The following NRP1 variants were observed in gnomAD, a reference collection of about 807,000 sequenced individuals.
The protein encoded by NRP1 is neuropilin-1.
Under a neutral mutation model 106.7 loss-of-function variants are expected in NRP1, and 35 were observed. The ratio of observed to expected loss-of-function variants is 0.33; its 90% CI spans 0.25 to 0.43. The LOEUF is 0.43. NRP1 is among the 20% of genes least tolerant of loss of function. The pLI is 1.00. For synonymous variants in NRP1, 437 were observed against 417.9 expected (o/e 1.05, Z -0.56); for missense variants, 1,024 against 1,170.4 (o/e 0.87, Z 1.83).
At chr10:33,264,012 G>T (rs962713541) in intron 3 of NRP1, 139 bp from the exon 4 acceptor site, 1 of 614,732 alleles carries the variant, frequency 1.6e-6, no homozygotes, top group Non-Finnish European at 2.9e-6. Flanking sequence ...GTATTAGTCA[G>T]CCTTTTCATA....
intron 2 of NRP1, among the ~76,000 whole-genome samples, chr10:33,317,569 G>A (rs1175562472): frequency 6.6e-6 from 1 of 152,190 alleles, no homozygotes; most frequent in Non-Finnish European, 1.5e-5. Context: ...TGAATGGATT[G>A]TCAAGGACTG....
At chr10:33,199,792 G>T (rs565107219) in intron 11 of NRP1, among the ~76,000 whole-genome samples, 1 of 152,238 alleles carries the variant, frequency 6.6e-6, no homozygotes, top group South Asian at 2.1e-4. Flanking sequence ...TGCCATAATT[G>T]TGCACTTCCC....
chr10:33,244,719 T>C (rs1841289770), intron 6 of NRP1, among the ~76,000 whole-genome samples: 1 of 152,136 alleles, frequency 6.6e-6, no homozygotes, highest in Non-Finnish European at 1.5e-5. Context: ...AATTCTTTAC[T>C]CTTGATTATA....
At position 33,221,710 on chromosome 10, in the gene NRP1, A is replaced by G. The variant is rs532741564; in HGVS notation, c.1282+9T>C. 9 of 1,610,714 alleles carry G rather than the reference A, an allele frequency of 5.6e-6. No individual in the cohort carries two copies. Among genetic ancestry groups the G allele is most frequent in the Middle Eastern group, 3.3e-4 (2 of 6,056 alleles). On this transcript the variant is annotated intron_variant, in intron 8 of 16. Transcript: ENST00000374867. ...TGGAAGATTCAGTCTTCAATCTTCC[A>G]CAGCTTACCTGTTATCTTGCAACCG...
chr10:33,300,543 A>G (rs977049010), intron 2 of NRP1, among the ~76,000 whole-genome samples: 1 of 152,114 alleles, frequency 6.6e-6, no homozygotes, highest in Non-Finnish European at 1.5e-5. Context: ...TCAACCCCCA[A>G]TGCTGGTGGG....
chr10:33,217,315 A>G (rs1429036982), intron 8 of NRP1, among the ~76,000 whole-genome samples: 2 of 152,028 alleles, frequency 1.3e-5, no homozygotes, highest in African/African-American at 4.8e-5. Flanking sequence ...CCCTGTCCCC[A>G]TTTAGCCAAC....
At chr10:33,309,234 C>T (rs752403808) in intron 2 of NRP1, among the ~76,000 whole-genome samples, 7 of 152,150 alleles carry the variant, frequency 4.6e-5, no homozygotes, top group Admixed American at 1.3e-4. Flanking sequence ...CTACAGATGG[C>T]CACTACTAAT....
rs749459323 is a variant in NRP1, at chr10:33,226,239, G to A, written c.1032C>T (p.Ala344=). Residue 344 remains alanine (A), a synonymous_variant, in exon 7 of 17, where the codon GCC becomes GCT. Transcript: ENST00000374867. The part of the protein sequence containing the change: ...RFVTAVGTQG[A]ISKETKKKYY... ...ATTTCTTCTTGGTTTCTTTTGAAATGGCGCCCTGTGTCCCGACAGCCGTGA... is the reference window on the plus strand; with the variant it reads ...ATTTCTTCTTGGTTTCTTTTGAAATAGCGCCCTGTGTCCCGACAGCCGTGA... The A allele has an allele frequency of 6.2e-7, 1 of 1,614,068 alleles. No homozygotes were observed. The highest frequency in any genetic ancestry group is 1.1e-5 in the South Asian group (1 of 91,076).
At chr10:33,217,296 T>C (rs924616139) in intron 8 of NRP1, among the ~76,000 whole-genome samples, 2 of 152,070 alleles carry the variant, frequency 1.3e-5, no homozygotes, top group Admixed American at 6.6e-5. Context: ...ATTCATAGAC[T>C]TAGTGATGCC....
chr10:33,212,705 C>T (rs528144440), intron 9 of NRP1: 2 of 152,636 alleles, frequency 1.3e-5, no homozygotes, highest in African/African-American at 4.8e-5. Context: ...GAATCTCACT[C>T]TGTCACCCAG....
chr10:33,237,569 C>CCTT (rs1840670032), intron 6 of NRP1, among the ~76,000 whole-genome samples: 1 of 137,976 alleles, frequency 7.2e-6, no homozygotes. Flanking sequence ...TGAATATTTT[C>CCTT]CTTCTTCTTT....
At chr10:33,223,964 A>G (rs1839456519) in intron 7 of NRP1, among the ~76,000 whole-genome samples, 1 of 152,074 alleles carries the variant, frequency 6.6e-6, no homozygotes, top group South Asian at 2.1e-4. Context: ...GCTGAAAATC[A>G]TGTTTTATAC....
intron 3 of NRP1, among the ~76,000 whole-genome samples, chr10:33,268,725 G>A (rs1006212638): frequency 2.6e-5 from 4 of 152,170 alleles, no homozygotes; most frequent in African/African-American, 4.8e-5. Context: ...GCAAGCAGGT[G>A]TACATATGTG....
At chr10:33,236,364 T>A (rs1840556980) in intron 6 of NRP1, among the ~76,000 whole-genome samples, 1 of 152,240 alleles carries the variant, frequency 6.6e-6, no homozygotes, top group African/African-American at 2.4e-5. Flanking sequence ...TCTTGCTAGA[T>A]GGGTTTACTT....
In NRP1 at chr10:33,328,486, G is replaced by A. The variant is rs149509402; in HGVS notation, c.248+2222C>T. ...ACACCAACTCAACAGGTTGTTGAGC[G>A]CTTTCTACAGGTAGGAAGATTTTTA... On this transcript the variant is annotated intron_variant, in intron 2 of 16. Coordinates refer to ENST00000374867, the MANE Select transcript of NRP1 (RefSeq NM_003873.7). Among the ~76,000 whole-genome samples the A allele has an allele frequency of 1.1e-3, 163 of 152,182 alleles. 1 individual carries two copies. The highest frequency in any genetic ancestry group is 4.4e-4 in the Non-Finnish European group (30 of 67,984).
intron 6 of NRP1, among the ~76,000 whole-genome samples, chr10:33,238,941 G>A (rs1025085612): frequency 1.4e-4 from 21 of 150,634 alleles, no homozygotes; most frequent in Non-Finnish European, 2.5e-4. Flanking sequence ...GTATGTGTGC[G>A]CATAGTTTTG....
intron 2 of NRP1, among the ~76,000 whole-genome samples, chr10:33,271,340 G>A (rs1843300978): frequency 6.6e-6 from 1 of 152,140 alleles, no homozygotes; most frequent in Admixed American, 6.5e-5. Flanking sequence ...TATGGCCACA[G>A]AATAATAAAC....
At position 33,334,392 on chromosome 10, in the gene NRP1, T is replaced by C. The variant is rs1006959668; in HGVS notation, c.-10A>G. ...GCAGCCCCCTCTCCATTCTCCCTTC[T>C]CCGGGTCCGCAGGCAGACGCGGGAG... On this transcript the variant is annotated 5_prime_UTR_variant, in exon 1 of 17. Transcript: ENST00000374867. 3.2e-6 allele frequency: 5 copies of C among 1,543,636 alleles called. No homozygotes were observed. The African/African-American group carries it at 6.9e-5, about 21-fold the overall frequency.
At chr10:33,288,564 T>A (rs1220782185) in intron 2 of NRP1, 1 of 152,330 alleles carries the variant, frequency 6.6e-6, no homozygotes, top group Non-Finnish European at 1.5e-5. Context: ...CTCAGCCTCC[T>A]GAGTAGCTGG....
Sources: gnomAD v4.1 joint callset for allele counts (sites outside exome capture counted in the v4.1 genomes callset) on GRCh38, gnomAD v4.1.1 for gene constraint, MANE v1.5 for transcripts, NCBI Gene and HGNC (gene_info 2026-07-23, HGNC 2026-07-21) for gene names.